The following CCNL2 variants were observed in gnomAD, a reference collection of about 807,000 sequenced individuals.
The protein encoded by CCNL2 is cyclin-L2.
In CCNL2, 28 loss-of-function variants were observed where a neutral mutation model predicts 59.1. The ratio of observed to expected loss-of-function variants is 0.47; its 90% CI spans 0.35 to 0.65. CCNL2 has a LOEUF of 0.65. Among genes scored for constraint, CCNL2 ranks in the 30% least tolerant of loss-of-function variants. The pLI is 0.00. For synonymous variants in CCNL2, 342 were observed against 288.6 expected (o/e 1.19, Z -1.88); for missense variants, 714 against 717.4 (o/e 1.00, Z 0.05).
rs751935769 is a variant in CCNL2 at position 1,395,504 on chromosome 1, G to A, written c.484C>T (p.Pro162Ser). Residue 162 changes from proline to serine, a missense_variant, in exon 4 of 11, where the codon CCT becomes TCT. Around this residue, in one of 5 missense-constraint regions of CCNL2, gnomAD observed 270 missense variants for 254.9 expected, o/e 1.06. Coordinates refer to ENST00000400809, the MANE Select transcript of CCNL2 (RefSeq NM_030937.6). ...ACATAATCTTGATCCAGTAGTAGAG[G>A]CACGGGCTTCCTGCCAGAGAGAGAG... ...RQLRDKKKPV[P>S]LLLDQDYVNL... 30 of 1,613,968 alleles carry A rather than the reference G, an allele frequency of 1.9e-5. No homozygotes were observed. The highest frequency in any genetic ancestry group is 2.2e-5 in the Non-Finnish European group (26 of 1,180,012).
intron 8 of CCNL2, chr1:1,389,016 A>G: frequency 4.6e-6 from 1 of 217,212 alleles, no homozygotes; most frequent in Admixed American, 5.6e-5. Context: ...CAGAGGTTAC[A>G]GTGAGCTGAG....
chr1:1,392,254 C>A, intron 5 of CCNL2: 4 of 883,284 alleles, frequency 4.5e-6, no homozygotes, highest in Non-Finnish European at 5.4e-6. Flanking sequence ...AATCCACGAA[C>A]TTAAAATTCT....
At chr1:1,398,056 C>T (rs1240743) in intron 3 of CCNL2, among the ~76,000 whole-genome samples, 177 bp downstream of exon 3, 1 of 152,112 alleles carries the variant, frequency 6.6e-6, no homozygotes, top group Admixed American at 6.5e-5. Flanking sequence ...CTTACTAAAC[C>T]GCATCTACTG....
intron 2 of CCNL2, 49 bp from the exon 3 acceptor site, chr1:1,398,391 GTCCT>G (rs765080846): frequency 4.3e-6 from 7 of 1,612,026 alleles, no homozygotes; most frequent in Non-Finnish European, 5.9e-6. Context: ...CAGCCACGGC[GTCCT>G]GACGGCCGCC....
At chr1:1,395,628 G>T in intron 3 of CCNL2, 114 bp from the exon 4 acceptor site, 1 of 1,436,528 alleles carries the variant, frequency 7.0e-7, no homozygotes, top group Non-Finnish European at 9.5e-7. Context: ...ACACAACATC[G>T]CTATGAAGTC....
chr1:1,395,117 A>C (rs1644948341), intron 4 of CCNL2: 2 of 365,920 alleles, frequency 5.5e-6, no homozygotes, highest in Non-Finnish European at 9.8e-6. Context: ...ACATAAACTA[A>C]AATTCAACAT....
In CCNL2 at chr1:1,399,163, G is replaced by A. The variant is rs746707898; in HGVS notation, c.144C>T (p.Thr48=). 8.1e-6 allele frequency: 13 copies of A among 1,611,938 alleles called. No individual in the cohort carries two copies. Among genetic ancestry groups the A allele is most frequent in the Admixed American group, 3.3e-5 (2 of 59,964 alleles). ...CGTCAGGCAGGAGGCAGTTCTCCAA[G>A]GTGATGAGCACCCCGGAGTACAGCC... ...GDRLYSGVLI[T]LENCLLPDDK... is the part of the protein sequence containing the mutation. Residue 48 remains threonine (T), a synonymous_variant, in exon 1 of 11, where the codon ACC becomes ACT. Transcript: ENST00000400809.
At position 1,387,801 on chromosome 1, in the gene CCNL2, G is replaced by T; in HGVS notation, c.1187C>A (p.Ser396Tyr). ...CCTCCTCTTAGGAGACGCTGATCGG[G>T]ATGGGGACCTCGAGTAGCTCTGCTC... is the stretch of plus-strand genomic sequence containing the variant. Reference protein sequence around the residue: ...SREQSYSRSPSRSASPKRRKS... With the variant: ...SREQSYSRSPYRSASPKRRKS... The change falls in exon 10 of 11, where the codon TCC becomes TAC. Residue 396 changes from serine to tyrosine, a missense_variant. Around this residue, in one of 5 missense-constraint regions of CCNL2, gnomAD observed 403 missense variants for 377.7 expected, o/e 1.07. Transcript: ENST00000400809. 1.2e-6 allele frequency: 2 copies of T among 1,613,034 alleles called. No individual in the cohort carries two copies. Among genetic ancestry groups the T allele is most frequent in the Non-Finnish European group, 1.7e-6 (2 of 1,179,718 alleles).
chr1:1,391,088 T>C, intron 5 of CCNL2: 2 of 1,142,510 alleles, frequency 1.8e-6, no homozygotes, highest in Non-Finnish European at 2.3e-6. Context: ...ACAGAAATTA[T>C]TAGAAAAAAA....
chr1:1,387,955 C>T lies in CCNL2; in HGVS notation c.1117G>A (p.Gly373Ser), dbSNP rs760610228. ...ACCTGGGCAGCCCTGGGGTCCTACC[C>T]GTTCACGGGGCTGTCCGCCTTGGCT... ...KKAKADSPVN[G>S]LPKGRESRSR... is the part of the protein sequence containing the mutation. The change falls in exon 9 of 11, where the codon GGC (glycine) becomes AGC (serine). Residue 373 changes from glycine (G) to serine (S), a missense_variant and splice_region_variant. Gly to Ser is a moderately conservative substitution (Grantham distance 56, BLOSUM62 0). Transcript: ENST00000400809. 2.5e-6 allele frequency: 4 copies of T among 1,613,856 alleles called. No homozygotes were observed. Among genetic ancestry groups the T allele is most frequent in the African/African-American group, 1.3e-5 (1 of 74,946 alleles).
At chr1:1,398,991 G>A in intron 1 of CCNL2, 28 bp downstream of exon 1, 1 of 1,573,902 alleles carries the variant, frequency 6.4e-7, no homozygotes, top group African/African-American at 1.4e-5. Context: ...CGGTTACCTG[G>A]GCCGGAGGCT....
chr1:1,397,452 T>A (rs957953923), intron 3 of CCNL2, among the ~76,000 whole-genome samples: 7 of 152,126 alleles, frequency 4.6e-5, no homozygotes, highest in Admixed American at 6.6e-5. Flanking sequence ...AGCTCCCACA[T>A]CTGGTATGAG....
rs1026448725 is a variant in CCNL2 at position 1,393,497 on chromosome 1, C to T, written c.595-37G>A. ...GGGTCAGGCAGTTATTACCAAGAAC[C>T]TTAAGAGCCCAGAATTCAGATCTTG... On this transcript the variant is annotated intron_variant, in intron 4 of 10. Transcript: ENST00000400809. The T allele has an allele frequency of 3.2e-6, 5 of 1,573,356 alleles. No homozygotes were observed. In the African/African-American group the frequency reaches 6.7e-5, roughly 21 times the overall value.
chr1:1,396,410 G>A (rs2100343176), intron 3 of CCNL2, among the ~76,000 whole-genome samples: 1 of 150,708 alleles, frequency 6.6e-6, no homozygotes, highest in East Asian at 2.0e-4. Flanking sequence ...GGTATTACAG[G>A]CATGCACCAC....
chr1:1,389,972 G>A (rs1479016830), intron 8 of CCNL2, among the ~76,000 whole-genome samples: 18 of 152,014 alleles, frequency 1.2e-4, no homozygotes, highest in Admixed American at 1.2e-3. Context: ...AAAAGAATTA[G>A]CCAAGCATGG....
intron 3 of CCNL2, among the ~76,000 whole-genome samples, chr1:1,398,019 C>T (rs201943650): frequency 6.6e-6 from 1 of 152,250 alleles, no homozygotes; most frequent in East Asian, 1.9e-4. Flanking sequence ...CCCGCCACAG[C>T]GCACTGTCCT....
rs1026296230 is a variant in CCNL2, at chr1:1,387,830, G to C, written c.1158C>G (p.Ser386Arg). 1 of 1,613,394 alleles carries C rather than the reference G, an allele frequency of 6.2e-7. No homozygotes were observed. The highest frequency in any genetic ancestry group is 1.7e-5 in the Admixed American group (1 of 59,968). Residue 386 changes from serine (S) to arginine (R), a missense_variant, in exon 10 of 11, where the codon AGC becomes AGG. By Grantham distance (110) the Ser-to-Arg change is moderately radical. Transcript: ENST00000400809. ...GGGACCTCGAGTAGCTCTGCTCACG[G>C]CTCCGGCTCCGACTCCGACTCTCTC... is the stretch of plus-strand genomic sequence containing the variant. The part of the protein sequence containing the change: ...KGRESRSRSR[S>R]REQSYSRSPS...
chr1:1,389,381 T>G (rs1644642400), intron 8 of CCNL2: 1 of 152,342 alleles, frequency 6.6e-6, no homozygotes, highest in Non-Finnish European at 1.5e-5. Context: ...AAAAAAGAAC[T>G]GCAGACAGGC....
intron 5 of CCNL2, chr1:1,392,544 A>C: frequency 1.4e-6 from 2 of 1,383,214 alleles, no homozygotes; most frequent in Non-Finnish European, 1.9e-6. Flanking sequence ...AGCAGTTTTA[A>C]AGGGACAAAA....
Sources: allele counts gnomAD v4.1 joint callset (sites outside exome capture counted in the v4.1 genomes callset), GRCh38; gene constraint gnomAD v4.1.1; regional missense constraint gnomAD v4.1.1; transcripts MANE v1.5; gene names NCBI Gene and HGNC (gene_info 2026-07-23, HGNC 2026-07-21).